Variants in USP37 observed in about 807,000 individuals in gnomAD.
USP37 encodes ubiquitin carboxyl-terminal hydrolase 37.
In USP37, 27 loss-of-function variants were observed where a neutral mutation model predicts 124.0. The observed-to-expected ratio is 0.22, with a 90% CI of 0.16 to 0.30. USP37 has a LOEUF of 0.30. Among genes scored for constraint, USP37 ranks in the 10% least tolerant of loss-of-function variants. The pLI, the probability that USP37 is intolerant of heterozygous loss-of-function variation, is 1.00. For synonymous variants in USP37, 365 were observed against 388.0 expected, an observed-to-expected ratio of 0.94 and a Z score of 0.70; for missense variants, 889 against 1,140.4, an observed-to-expected ratio of 0.78 and a Z score of 3.17.
intron 25 of USP37, 86 bp from the exon 26 acceptor site, chr2:218,455,103 G>C (rs1385121055): frequency 6.6e-7 from 1 of 1,504,462 alleles, no homozygotes; most frequent in African/African-American, 1.4e-5. Context: ...AAATAAAATT[G>C]ATATGGATAA....
intron 13 of USP37, 118 bp from the exon 14 acceptor site, chr2:218,496,068 CG>C: frequency 1.0e-6 from 1 of 985,070 alleles, no homozygotes; most frequent in Admixed American, 3.0e-5. Context: ...CTGAGGCAGG[CG>C]GATCACTTGA....
At chr2:218,521,524 T>C (rs1474014197) in intron 10 of USP37, among the ~76,000 whole-genome samples, 5 of 152,138 alleles carry the variant, frequency 3.3e-5, no homozygotes, top group Non-Finnish European at 2.9e-5. Context: ...TACTGTGTGA[T>C]GGTCCCCTCC....
intron 10 of USP37, among the ~76,000 whole-genome samples, chr2:218,511,220 ACCTC>A (rs1194914544): frequency 2.0e-5 from 3 of 150,980 alleles, no homozygotes; most frequent in Non-Finnish European, 4.4e-5. Flanking sequence ...ACTCACTGCA[ACCTC>A]CACCTCCCGG....
chr2:218,495,250 T>A (rs1325662623), intron 14 of USP37, among the ~76,000 whole-genome samples: 1 of 152,160 alleles, frequency 6.6e-6, no homozygotes, highest in Non-Finnish European at 1.5e-5. Flanking sequence ...CAAGCAATCC[T>A]CCCACTTCAG....
chr2:218,450,562 T>C lies in USP37; in HGVS notation c.*4368A>G, dbSNP rs757482622. On this transcript the variant is annotated 3_prime_UTR_variant, in exon 26 of 26. Coordinates refer to ENST00000258399, the MANE Select transcript of USP37 (RefSeq NM_020935.3). ...AAGTTTAAAGAAACAACAATGACAA[T>C]AGGCCAGAGAAGTTAGGGAGGGAAA... 6.6e-5 allele frequency: 10 copies of C among 152,558 alleles called. No homozygotes were observed. Among genetic ancestry groups the C allele is most frequent in the Non-Finnish European group, 1.2e-4 (8 of 68,040 alleles). 9.5% of individuals were successfully genotyped at this position (152,558 alleles called of 1,614,324 possible). A position where few individuals can be genotyped will look rare whatever the true frequency, so the allele number is the denominator to read the frequency against.
intron 13 of USP37, 109 bp downstream of exon 13, chr2:218,497,625 C>T (rs903239719): frequency 1.5e-5 from 21 of 1,376,052 alleles, no homozygotes; most frequent in Non-Finnish European, 2.0e-5. Flanking sequence ...AACTCCTGAC[C>T]TCAGTGACCT....
At chr2:218,541,347 AGG>A (rs989356222) in intron 8 of USP37, among the ~76,000 whole-genome samples, 4 of 152,174 alleles carry the variant, frequency 2.6e-5, no homozygotes, top group Non-Finnish European at 5.9e-5. Context: ...GACTATTGTA[AGG>A]AAGACGGGTT....
intron 8 of USP37, among the ~76,000 whole-genome samples, chr2:218,539,963 T>A (rs1212345195): frequency 6.6e-6 from 1 of 152,040 alleles, no homozygotes; most frequent in East Asian, 1.9e-4. Context: ...TGAGCCAAGA[T>A]CATGCCACTG....
chr2:218,488,388 A>G lies in USP37; in HGVS notation c.1506T>C (p.Phe502=). The G allele has an allele frequency of 7.4e-6, 12 of 1,611,964 alleles. No homozygotes were observed. The highest frequency in any genetic ancestry group is 9.3e-6 in the Non-Finnish European group (11 of 1,179,186). The change falls in exon 15 of 26, where the codon TTT becomes TTC. Residue 502 remains phenylalanine, a synonymous_variant. Coordinates refer to ENST00000258399, the MANE Select transcript of USP37 (RefSeq NM_020935.3). ...GAGGAAGGTCAATAGAGAGGTCATT[A>G]AACTGTTCTCTTTTGGGGATAATCT... ...CGEIIPKREQ[F]NDLSIDLPRR...
At chr2:218,505,568 T>A (rs1689634662) in intron 11 of USP37, among the ~76,000 whole-genome samples, 2 of 152,190 alleles carry the variant, frequency 1.3e-5, no homozygotes, top group Admixed American at 1.3e-4. Flanking sequence ...TGGCATGAAA[T>A]CTTTGTTTCA....
chr2:218,534,309 T>C (rs1042101748), intron 9 of USP37, among the ~76,000 whole-genome samples: 77 of 152,212 alleles, frequency 5.1e-4, no homozygotes, highest in African/African-American at 1.8e-3. Context: ...GCCAATATGG[T>C]GAAATCTCGT....
chr2:218,455,535 C>T (rs766702541), intron 25 of USP37, 45 bp downstream of exon 25: 30 of 1,493,796 alleles, frequency 2.0e-5, no homozygotes, highest in Middle Eastern at 1.8e-4. Context: ...AAAAGAGTTC[C>T]GGTGATTTCT....
intron 13 of USP37, 152 bp from the exon 14 acceptor site, chr2:218,496,102 C>CTGATGA: frequency 3.0e-5 from 19 of 642,404 alleles, no homozygotes; most frequent in South Asian, 5.0e-5. Flanking sequence ...GAGACCAGCC[C>CTGATGA]GGCCAACATG....
chr2:218,557,658 G>A (rs1362932609), intron 4 of USP37, among the ~76,000 whole-genome samples: 1 of 146,486 alleles, frequency 6.8e-6, no homozygotes, highest in East Asian at 2.0e-4. Context: ...GCTGGGCGCG[G>A]TGGCTCACGG....
intron 18 of USP37, among the ~76,000 whole-genome samples, chr2:218,478,477 G>A (rs1042704069): frequency 1.3e-5 from 2 of 152,114 alleles, no homozygotes; most frequent in African/African-American, 4.8e-5. Flanking sequence ...TGGTATTCTG[G>A]TTCATAACTC....
intron 4 of USP37, among the ~76,000 whole-genome samples, chr2:218,555,550 T>C (rs1432539372): frequency 1.3e-5 from 2 of 152,174 alleles, no homozygotes; most frequent in African/African-American, 4.8e-5. Flanking sequence ...TTTCAGTCAA[T>C]TTATCACTTT....
chr2:218,504,394 T>G (rs1314932430), intron 11 of USP37, among the ~76,000 whole-genome samples: 1 of 152,216 alleles, frequency 6.6e-6, no homozygotes, highest in Non-Finnish European at 1.5e-5. Context: ...AACCCCTTTA[T>G]CATAAATTTT....
rs1690876458 is a variant in USP37 at position 218,474,792 on chromosome 2, A to G, written c.2137T>C (p.Leu713=). 6.2e-7 allele frequency: 1 copy of G among 1,614,142 alleles called. No homozygotes were observed. The highest frequency in any genetic ancestry group is 8.5e-7 in the Non-Finnish European group (1 of 1,180,018). ...MSEEELLAAV[L]EISKRDASPS... Reference sequence around the variant, plus strand: ...GAAGCATCTCTCTTACTTATCTCCAAGACAGCTGCTAGAAGCTCTTCTTCG... The same window carrying G: ...GAAGCATCTCTCTTACTTATCTCCAGGACAGCTGCTAGAAGCTCTTCTTCG... The change falls in exon 20 of 26, where the codon TTG becomes CTG. Residue 713 remains leucine (L), a synonymous_variant. Coordinates refer to ENST00000258399, the MANE Select transcript of USP37 (RefSeq NM_020935.3).
At chr2:218,481,408 TC>T (rs1574861383) in intron 17 of USP37, among the ~76,000 whole-genome samples, 2 of 152,074 alleles carry the variant, frequency 1.3e-5, no homozygotes, top group African/African-American at 4.8e-5. Flanking sequence ...AAACAGAACT[TC>T]CAGGGAAAAA....
Sources: allele counts gnomAD v4.1 joint callset (sites outside exome capture counted in the v4.1 genomes callset), GRCh38; gene constraint gnomAD v4.1.1; transcripts MANE v1.5; gene names NCBI Gene and HGNC (gene_info 2026-07-23, HGNC 2026-07-21).